Variants in PTPRS observed in about 807,000 individuals in gnomAD.
The protein encoded by PTPRS is protein tyrosine phosphatase receptor type S.
A neutral mutation model predicts 215.3 loss-of-function variants in PTPRS; 63 were observed. The observed-to-expected ratio is 0.29, with a 90% CI of 0.24 to 0.36. The LOEUF is 0.36. Ranked by LOEUF, PTPRS falls within the 10% of genes least tolerant of loss-of-function variation. PTPRS has a pLI of 1.00. For missense variants in PTPRS, 2,258 were observed against 2,825.8 expected (o/e 0.80, Z 4.56); for synonymous variants, 1,404 against 1,191.4 (o/e 1.18, Z -3.68).
intron 2 of PTPRS, among the ~76,000 whole-genome samples, chr19:5,282,426 G>GCCGCGCTCAAGCC (rs1292462185): frequency 6.6e-6 from 1 of 152,158 alleles, no homozygotes; most frequent in Non-Finnish European, 1.5e-5. Flanking sequence ...GCTTGAGGGC[G>GCCGCGCTCAAGCC]CCGCGCCTGC....
chr19:5,262,501 C>T (rs773629442), intron 6 of PTPRS, among the ~76,000 whole-genome samples: 7 of 152,104 alleles, frequency 4.6e-5, no homozygotes, highest in Admixed American at 6.6e-5. Context: ...TGAGAAGTGC[C>T]CAGTAGCAGC....
intron 4 of PTPRS, among the ~76,000 whole-genome samples, chr19:5,267,428 A>C (rs1213055684): frequency 6.6e-6 from 1 of 152,140 alleles, no homozygotes; most frequent in African/African-American, 2.4e-5. Flanking sequence ...AGGACGAAGC[A>C]GGTGGATCAC....
At chr19:5,238,163 G>A (rs374197952) in intron 13 of PTPRS, among the ~76,000 whole-genome samples, 1 of 152,282 alleles carries the variant, frequency 6.6e-6, no homozygotes, top group African/African-American at 2.4e-5. Context: ...GGAGGCAGGT[G>A]AGGTGGGGAG....
At position 5,257,529 on chromosome 19, in the gene PTPRS, T is replaced by G; in HGVS notation, c.706+488A>C. The G allele has an allele frequency of 6.8e-6, 3 of 444,270 alleles. No homozygotes were observed. The highest frequency in any genetic ancestry group is 1.6e-5 in the South Asian group (1 of 63,268). The allele number at this position is 444,270 out of a possible 1,614,324, so 27.5% of individuals were successfully genotyped here. A position where few individuals can be genotyped will look rare whatever the true frequency, so the allele number is the denominator to read the frequency against. ...GAAGACCCCTCCTCAACTTCTAGAT[T>G]GAGGGCCCTGGATTAGGGGGGGCAG... On this transcript the variant is annotated intron_variant, in intron 8 of 37. Coordinates refer to ENST00000262963, the MANE Select transcript of PTPRS (RefSeq NM_002850.4). The surrounding 1 kb of genome is among the most constrained non-coding windows in gnomAD (Gnocchi z 4.4).
At chr19:5,247,238 G>A (rs1433336205) in intron 9 of PTPRS, among the ~76,000 whole-genome samples, 1 of 151,224 alleles carries the variant, frequency 6.6e-6, no homozygotes, top group African/African-American at 2.4e-5. Flanking sequence ...ATAAACAAGG[G>A]AATGAACTTG....
In PTPRS at chr19:5,293,321, C is replaced by T. The variant is rs1193017482; in HGVS notation, c.-94-7087G>A. The T allele has an allele frequency of 7.8e-6, 1 of 128,486 alleles. No individual in the cohort carries two copies. Among genetic ancestry groups the T allele is most frequent in the African/African-American group, 2.9e-5 (1 of 33,908 alleles). The allele number at this position is 128,486 out of a possible 1,614,324, so 8.0% of individuals were successfully genotyped here. A position where few individuals can be genotyped will look rare whatever the true frequency, so the allele number is the denominator to read the frequency against. ...GGCGGGGCTGTAGGGGGCGGGGTTG[C>T]AGTGGGCGGGGCTGCAGGGGACGGG... is the stretch of plus-strand genomic sequence containing the variant. On this transcript the variant is annotated intron_variant, in intron 1 of 37. Coordinates refer to ENST00000262963, the MANE Select transcript of PTPRS (RefSeq NM_002850.4). This position sits in a 1 kb window ranked among gnomAD's most constrained non-coding sequence, Gnocchi z 8.4.
intron 1 of PTPRS, among the ~76,000 whole-genome samples, chr19:5,323,893 T>C (rs1197943562): frequency 6.6e-6 from 1 of 152,094 alleles, no homozygotes; most frequent in African/African-American, 2.4e-5. Context: ...GTCCAGGTGA[T>C]GATGGGAGCT....
At chr19:5,320,372 G>A (rs1378230868) in intron 1 of PTPRS, among the ~76,000 whole-genome samples, 4 of 152,222 alleles carry the variant, frequency 2.6e-5, no homozygotes, top group Admixed American at 6.5e-5. Context: ...TGGCTTATCC[G>A]GCTCCCGGGA....
In PTPRS at chr19:5,205,851, T is replaced by C. The variant is rs1455186700; in HGVS notation, c.*923A>G. Among the ~76,000 whole-genome samples, 28 of 151,802 alleles carry C rather than the reference T, an allele frequency of 1.8e-4. No homozygotes were observed. The highest frequency in any genetic ancestry group is 1.8e-3 in the Admixed American group (27 of 15,240). On this transcript the variant is annotated 3_prime_UTR_variant, in exon 38 of 38. Coordinates refer to ENST00000262963, the MANE Select transcript of PTPRS (RefSeq NM_002850.4). ...CTCAGAGGAGGACCACTGTCATCTC[T>C]CTCCTCTTACAGCAGCGTCCCCCTC...
At chr19:5,227,171 C>CA (rs2042574078) in intron 16 of PTPRS, among the ~76,000 whole-genome samples, 1 of 151,990 alleles carries the variant, frequency 6.6e-6, no homozygotes, top group Admixed American at 6.6e-5. Context: ...CTTAGCCTCC[C>CA]AAGTAGCTGG....
At position 5,206,636 on chromosome 19, in the gene PTPRS, G is replaced by C. The variant is rs536429660; in HGVS notation, c.*138C>G. ...GGGCTCGAGGGGCTGCGTCGTCCTCGGAAATGGTGCAGAAACACAGCTGCT... is the reference window on the plus strand; with the variant it reads ...GGGCTCGAGGGGCTGCGTCGTCCTCCGAAATGGTGCAGAAACACAGCTGCT... On this transcript the variant is annotated 3_prime_UTR_variant, in exon 38 of 38. Coordinates refer to ENST00000262963, the MANE Select transcript of PTPRS (RefSeq NM_002850.4). The C allele has an allele frequency of 1.2e-5, 9 of 735,024 alleles. No individual in the cohort carries two copies. The South Asian group carries it at 1.6e-4, about 13-fold the overall frequency. 45.5% of individuals were successfully genotyped at this position (735,024 alleles called of 1,614,324 possible). A position where few individuals can be genotyped will look rare whatever the true frequency, so the allele number is the denominator to read the frequency against.
At chr19:5,231,137 C>T (rs372757830) in intron 14 of PTPRS, among the ~76,000 whole-genome samples, 173 bp downstream of exon 14, 2 of 152,294 alleles carry the variant, frequency 1.3e-5, no homozygotes, top group East Asian at 3.9e-4. Context: ...CTAGAATCGC[C>T]AATTCCAAAG....
intron 11 of PTPRS, among the ~76,000 whole-genome samples, chr19:5,243,660 T>C (rs1294677909): frequency 1.3e-5 from 2 of 152,020 alleles, no homozygotes; most frequent in African/African-American, 4.8e-5. Context: ...TTAGTAGAGA[T>C]GGGGTTTCAC....
intron 2 of PTPRS, among the ~76,000 whole-genome samples, chr19:5,282,013 T>C (rs952808542): frequency 1.3e-5 from 2 of 152,214 alleles, no homozygotes; most frequent in South Asian, 2.1e-4. Flanking sequence ...AGGAGTCCCT[T>C]ATGCCCCCAC....
In PTPRS at chr19:5,315,350, G is replaced by GCTTTTTTTTTTTTTTTT. The variant is rs2049835558; in HGVS notation, c.-95+25313_-95+25314insAAAAAAAAAAAAAAAAG. ...TCATGGAGAATTTTTATTTGAAAAGGGTTTTTTTTTTTTTTTTTTTTTTTT... is the reference window on the plus strand; with the variant it reads ...TCATGGAGAATTTTTATTTGAAAAGGCTTTTTTTTTTTTTTTTGTTTTTTTTTTTTTTTTTTTTTTTT... On this transcript the variant is annotated intron_variant, in intron 1 of 37. Transcript: ENST00000262963. Among the ~76,000 whole-genome samples the GCTTTTTTTTTTTTTTTT allele has an allele frequency of 3.1e-4, 31 of 101,282 alleles. 11 individuals carry two copies. The highest frequency in any genetic ancestry group is 5.1e-4 in the Non-Finnish European group (27 of 52,766). The allele number at this position is 101,282 out of a possible 152,430, so 66.4% of individuals were successfully genotyped here.
At chr19:5,260,383 C>CT (rs933334180) in intron 7 of PTPRS, among the ~76,000 whole-genome samples, 28 of 151,954 alleles carry the variant, frequency 1.8e-4, no homozygotes, top group African/African-American at 6.8e-4. Flanking sequence ...TTTGACCATG[C>CT]TGCCCAGGCT....
In PTPRS at chr19:5,260,796, G is replaced by A. The variant is rs1390159649; in HGVS notation, c.595+9C>T. The A allele has an allele frequency of 6.2e-7, 1 of 1,613,712 alleles. No individual in the cohort carries two copies. Among genetic ancestry groups the A allele is most frequent in the Non-Finnish European group, 8.5e-7 (1 of 1,179,742 alleles). The stretch of plus-strand genomic sequence containing the variant: ...GCGTGAGTGGGTGGGTGAGTGAGGA[G>A]CCTCTTACCTCGAATCGGAGTGCTT... On this transcript the variant is annotated intron_variant, in intron 7 of 37. Transcript: ENST00000262963.
chr19:5,273,180 T>C (rs1166281652), intron 4 of PTPRS: 5 of 516,626 alleles, frequency 9.7e-6, no homozygotes, highest in Middle Eastern at 5.3e-4. Context: ...GATCAGCCTT[T>C]TGTCATCAGA....
At chr19:5,310,789 TTGAA>T (rs2049676714) in intron 1 of PTPRS, among the ~76,000 whole-genome samples, 1 of 152,168 alleles carries the variant, frequency 6.6e-6, no homozygotes, top group African/African-American at 2.4e-5. Context: ...CACTGCAGCC[TTGAA>T]CTCCTCAGCT....
Sources: gnomAD v4.1 joint callset for allele counts (sites outside exome capture counted in the v4.1 genomes callset) on GRCh38, gnomAD v4.1.1 for gene constraint, Gnocchi (gnomAD v3.1) non-coding constraint, MANE v1.5 for transcripts, NCBI Gene and HGNC (gene_info 2026-07-23, HGNC 2026-07-21) for gene names.